ZNF283: variants seen among roughly 807,000 people sequenced by gnomAD.
ZNF283 encodes zinc finger protein 283.
A neutral mutation model predicts 9.2 loss-of-function variants in ZNF283; 10 were observed. That is an observed-to-expected ratio of 1.09 (90% confidence interval 0.67 to 1.85). The LOEUF (loss-of-function observed/expected upper bound fraction) is 1.85. Among genes scored for constraint, ZNF283 ranks in the 40% most tolerant of loss-of-function variants. The pLI, the probability that ZNF283 is intolerant of heterozygous loss-of-function variation, is 0.00. For synonymous variants in ZNF283, 234 were observed against 244.1 expected (o/e 0.96, Z 0.38); for missense variants, 631 against 760.1 (o/e 0.83, Z 2.00).
Position 43,850,182 on chromosome 19 carries a change from A to G in ZNF283, c.*1541A>G, listed in dbSNP as rs1971566907. The G allele has an allele frequency of 6.6e-6, 1 of 152,200 alleles. No individual in the cohort carries two copies. Among genetic ancestry groups the G allele is most frequent in the Non-Finnish European group, 1.5e-5 (1 of 68,032 alleles). 9.4% of individuals were successfully genotyped at this position (152,200 alleles called of 1,614,324 possible). A position where few individuals can be genotyped will look rare whatever the true frequency, so the allele number is the denominator to read the frequency against. ...AATTTGATATGGGCCTCTCCTTCAC[A>G]TTTCTCGTAACATGAAGTTGGAAAT... On this transcript the variant is annotated 3_prime_UTR_variant, in exon 7 of 7. Transcript: ENST00000618787.
At position 43,848,031 on chromosome 19, in the gene ZNF283, A is replaced by C; in HGVS notation, c.1430A>C (p.His477Pro). Residue 477 changes from histidine (H) to proline (P), a missense_variant, in exon 7 of 7, where the codon CAT (histidine) becomes CCT (proline). This residue lies in a region of ZNF283 where 444 missense variants were observed against 522.5 expected (regional missense o/e 0.85). Transcript: ENST00000618787. Reference protein sequence around the residue: ...AFSWGSSLVKHERVHTGEKSH... With the variant: ...AFSWGSSLVKPERVHTGEKSH... ...AGTTGGGGTTCAAGCCTTGTTAAAC[A>C]TGAGAGAGTTCATACTGGTGAGAAA... 1 of 1,613,858 alleles carries C rather than the reference A, an allele frequency of 6.2e-7. No homozygotes were observed. Among genetic ancestry groups the C allele is most frequent in the Non-Finnish European group, 8.5e-7 (1 of 1,179,918 alleles).
At chr19:43,844,914 G>T (rs1599729156) in intron 6 of ZNF283, among the ~76,000 whole-genome samples, 1 of 152,194 alleles carries the variant, frequency 6.6e-6, no homozygotes, top group South Asian at 2.1e-4. Flanking sequence ...TAATTTATAA[G>T]GATAAAGTAA....
chr19:43,835,156 G>T (rs1970910984), intron 4 of ZNF283, among the ~76,000 whole-genome samples: 1 of 152,110 alleles, frequency 6.6e-6, no homozygotes, highest in South Asian at 2.1e-4. Context: ...AGCCTGTCCA[G>T]CTCCCATGTT....
Position 43,846,964 on chromosome 19 carries a change from C to CA in ZNF283, c.370dup (p.Ile124AsnfsTer6). The CA allele has an allele frequency of 6.3e-7, 1 of 1,575,982 alleles. No individual in the cohort carries two copies. Among genetic ancestry groups the CA allele is most frequent in the Non-Finnish European group, 8.6e-7 (1 of 1,161,316 alleles). On this transcript the variant is annotated frameshift_variant, in exon 7 of 7. Coordinates refer to ENST00000618787, the MANE Select transcript of ZNF283 (RefSeq NM_181845.2). LOFTEE classifies it low-confidence loss of function (END_TRUNC). The stretch of plus-strand genomic sequence containing the variant: ...ATTTGGAGTCAAAAACGTATGAGAC[C>CA]AAAAAAATATTTTCAGAAAATGATA...
rs565148595 is a variant in ZNF283, at chr19:43,850,427, T to C, written c.*1786T>C. The C allele has an allele frequency of 1.3e-3, 190 of 141,374 alleles. No homozygotes were observed. Among genetic ancestry groups the C allele is most frequent in the African/African-American group, 4.8e-3 (182 of 37,882 alleles). 8.8% of individuals were successfully genotyped at this position (141,374 alleles called of 1,614,324 possible). A position where few individuals can be genotyped will look rare whatever the true frequency, so the allele number is the denominator to read the frequency against. On this transcript the variant is annotated 3_prime_UTR_variant, in exon 7 of 7. Coordinates refer to ENST00000618787, the MANE Select transcript of ZNF283 (RefSeq NM_181845.2). ...TGATCTTTGGAAATGTGTGATCATATGGTATGTATTTTACTTTTTTTTTTT... is the reference window on the plus strand; with the variant it reads ...TGATCTTTGGAAATGTGTGATCATACGGTATGTATTTTACTTTTTTTTTTT...
intron 4 of ZNF283, chr19:43,833,996 T>C (rs1015609330): frequency 6.6e-6 from 1 of 152,218 alleles, no homozygotes; most frequent in Non-Finnish European, 1.5e-5. Context: ...GGGACCTGCT[T>C]TAGGAACTCA....
rs368115217 is a variant in ZNF283, at chr19:43,848,099, T to C, written c.1498T>C (p.Tyr500His). Residue 500 changes from tyrosine (Y) to histidine (H), a missense_variant, in exon 7 of 7, where the codon TAT becomes CAT. By Grantham distance (83) the Tyr-to-His change is moderately conservative (BLOSUM62 2). This residue lies in a region of ZNF283 where 444 missense variants were observed against 522.5 expected (regional missense o/e 0.85). Coordinates refer to ENST00000618787, the MANE Select transcript of ZNF283 (RefSeq NM_181845.2). The part of the protein sequence containing the change: ...KECGKTFCSG[Y>H]QLTRHQVFHT... ...ATGCGGAAAGACCTTTTGTAGTGGG[T>C]ATCAACTTACTCGACATCAGGTATT... is the stretch of plus-strand genomic sequence containing the variant. The C allele has an allele frequency of 2.5e-6, 4 of 1,613,054 alleles. No homozygotes were observed. The African/African-American group carries it at 5.4e-5, about 22-fold the overall frequency.
rs974799074 is a variant in ZNF283, at chr19:43,850,830, G to A, written c.*2189G>A. 1.3e-5 allele frequency: 2 copies of A among 152,194 alleles called. No individual in the cohort carries two copies. Among genetic ancestry groups the A allele is most frequent in the Non-Finnish European group, 2.9e-5 (2 of 68,038 alleles). The allele number at this position is 152,194 out of a possible 1,614,324, so 9.4% of individuals were successfully genotyped here. A position where few individuals can be genotyped will look rare whatever the true frequency, so the allele number is the denominator to read the frequency against. On this transcript the variant is annotated 3_prime_UTR_variant, in exon 7 of 7. Transcript: ENST00000618787. ...TGATTTAGTGCTAGCATCAAGGCAG[G>A]TTAGTTATGAAGAAATAGAGTGTGT...
rs763798003 is a variant in ZNF283, at chr19:43,847,318, A to G, written c.717A>G (p.Glu239=). The change falls in exon 7 of 7, where the codon GAA becomes GAG. Residue 239 remains glutamate, a synonymous_variant. Coordinates refer to ENST00000618787, the MANE Select transcript of ZNF283 (RefSeq NM_181845.2). ...CTGAAAAACACTTTGAATGTAAAGA[A>G]TGTGGGAAGAATTATTTAAGTGCCT... ...HTAEKHFECK[E]CGKNYLSAYQ... 3.1e-6 allele frequency: 5 copies of G among 1,614,032 alleles called. No individual in the cohort carries two copies. In the East Asian group the frequency reaches 1.1e-4, roughly 36 times the overall value.
In ZNF283 at chr19:43,849,835, G is replaced by A. The variant is rs1395620874; in HGVS notation, c.*1194G>A. On this transcript the variant is annotated 3_prime_UTR_variant, in exon 7 of 7. Coordinates refer to ENST00000618787, the MANE Select transcript of ZNF283 (RefSeq NM_181845.2). Reference sequence around the variant, plus strand: ...ATATCCTTGGAAGAGTATCTGGTATGTAGCCTATGCTTAATACATATTAGC... The same window carrying A: ...ATATCCTTGGAAGAGTATCTGGTATATAGCCTATGCTTAATACATATTAGC... 6.6e-6 allele frequency: 1 copy of A among 152,202 alleles called. No individual in the cohort carries two copies. The highest frequency in any genetic ancestry group is 2.4e-5 in the African/African-American group (1 of 41,452). The allele number at this position is 152,202 out of a possible 1,614,324, so 9.4% of individuals were successfully genotyped here. A position where few individuals can be genotyped will look rare whatever the true frequency, so the allele number is the denominator to read the frequency against.
chr19:43,841,322 A>T (rs1263496381), intron 6 of ZNF283: 1 of 152,168 alleles, frequency 6.6e-6, no homozygotes, highest in Non-Finnish European at 1.5e-5. Context: ...AATTAATAAC[A>T]TACTACTTTG....
chr19:43,842,630 CCCCTGGGAGTT>C (rs1306915884), intron 6 of ZNF283, among the ~76,000 whole-genome samples: 1 of 152,226 alleles, frequency 6.6e-6, no homozygotes, highest in East Asian at 1.9e-4. Context: ...GGACTGAAGA[CCCCTGGGAGTT>C]CCCAAGAACC....
Position 43,848,187 on chromosome 19 carries a change from G to A in ZNF283, c.1586G>A (p.Ser529Asn), listed in dbSNP as rs757955424. Residue 529 changes from serine to asparagine, a missense_variant, in exon 7 of 7, where the codon AGC (serine) becomes AAC (asparagine). By Grantham distance (46) the Ser-to-Asn change is conservative (BLOSUM62 1). Coordinates refer to ENST00000618787, the MANE Select transcript of ZNF283 (RefSeq NM_181845.2). ...GGGAAGGCTTTTAATTGTGGATCAA[G>A]CCTTGTTCAACATGAAAGAATCCAT... ...ECGKAFNCGS[S>N]LVQHERIHTG... 10 of 1,613,260 alleles carry A rather than the reference G, an allele frequency of 6.2e-6. No individual in the cohort carries two copies. The highest frequency in any genetic ancestry group is 8.5e-6 in the Non-Finnish European group (10 of 1,179,822).
At chr19:43,839,754 T>C (rs1158536494) in intron 6 of ZNF283, among the ~76,000 whole-genome samples, 1 of 152,190 alleles carries the variant, frequency 6.6e-6, no homozygotes, top group Non-Finnish European at 1.5e-5. Context: ...CTCCAGAATT[T>C]GTTTGGTTCC....
intron 6 of ZNF283, among the ~76,000 whole-genome samples, chr19:43,844,584 A>G (rs1214351336): frequency 6.6e-6 from 1 of 152,206 alleles, no homozygotes; most frequent in Non-Finnish European, 1.5e-5. Flanking sequence ...AAGCAGCAAG[A>G]CATTGTTAAA....
chr19:43,848,540 A>T lies in ZNF283; in HGVS notation c.1939A>T (p.Thr647Ser). The change falls in exon 7 of 7, where the codon ACT becomes TCT. Residue 647 changes from threonine to serine, a missense_variant. Around this residue, in one of 3 missense-constraint regions of ZNF283, gnomAD observed 444 missense variants for 522.5 expected, o/e 0.85. Transcript: ENST00000618787. ...TGGCTCAAAACTTGTTCATGAGAGAACTCATAGTAATGATAAACCCTACAA... is the reference window on the plus strand; with the variant it reads ...TGGCTCAAAACTTGTTCATGAGAGATCTCATAGTAATGATAAACCCTACAA... ...TCGSKLVHER[T>S]HSNDKPYKYN... is the part of the protein sequence containing the mutation. The T allele has an allele frequency of 1.2e-6, 2 of 1,611,796 alleles. No individual in the cohort carries two copies. Among genetic ancestry groups the T allele is most frequent in the Non-Finnish European group, 1.7e-6 (2 of 1,178,276 alleles).
At chr19:43,828,478 T>C (rs933841286) in intron 2 of ZNF283, among the ~76,000 whole-genome samples, 197 bp downstream of exon 2, 1 of 152,152 alleles carries the variant, frequency 6.6e-6, no homozygotes, top group African/African-American at 2.4e-5. Flanking sequence ...CACCTGTTCA[T>C]ATGGCAAATT....
In ZNF283 at chr19:43,848,582, G is replaced by T. The variant is rs1971522293; in HGVS notation, c.1981G>T (p.Glu661Ter). ...ACCCTACAAATATAACGAATGTGGG[G>T]AAGCCTTTCTGTGGACAACTTACTC... ...DKPYKYNECG[E>*]AFLWTTYSNE... The change falls in exon 7 of 7, where the codon GAA becomes TAA. Residue 661 changes from glutamate to a stop codon, truncating the protein, a stop_gained. Transcript: ENST00000618787. LOFTEE classifies it low-confidence loss of function (END_TRUNC). 2 of 1,590,602 alleles carry T rather than the reference G, an allele frequency of 1.3e-6. No homozygotes were observed. The highest frequency in any genetic ancestry group is 2.3e-5 in the South Asian group (2 of 87,836).
chr19:43,848,566 AT>A lies in ZNF283; in HGVS notation c.1966del (p.Tyr656IlefsTer26), dbSNP rs1437260113. The A allele has an allele frequency of 6.3e-7, 1 of 1,598,570 alleles. No homozygotes were observed. The highest frequency in any genetic ancestry group is 1.1e-5 in the South Asian group (1 of 89,396). On this transcript the variant is annotated frameshift_variant, in exon 7 of 7. Transcript: ENST00000618787. LOFTEE classifies it low-confidence loss of function (END_TRUNC). The stretch of plus-strand genomic sequence containing the variant: ...CTCATAGTAATGATAAACCCTACAA[AT>A]ATAACGAATGTGGGGAAGCCTTTCT... ...RTHSNDKPYK[Y>X]NECGEAFLWT... is the part of the protein sequence containing the mutation.
Sources: gnomAD v4.1 joint callset for allele counts (sites outside exome capture counted in the v4.1 genomes callset) on GRCh38, gnomAD v4.1.1 for gene constraint, gnomAD v4.1.1 regional missense constraint, MANE v1.5 for transcripts, NCBI Gene and HGNC (gene_info 2026-07-23, HGNC 2026-07-21) for gene names.